The following YES1 variants were observed in gnomAD, a reference collection of about 807,000 sequenced individuals.
YES1 encodes YES proto-oncogene 1, Src family tyrosine kinase.
Under a neutral mutation model 70.4 loss-of-function variants are expected in YES1, and 39 were observed. That is an observed-to-expected ratio of 0.55 (90% confidence interval 0.43 to 0.72). The LOEUF (loss-of-function observed/expected upper bound fraction) is 0.72. Among genes scored for constraint, YES1 ranks in the 30% least tolerant of loss-of-function variants. The probability of loss-of-function intolerance (pLI) is 0.00; values close to 1 mark genes in which losing one functional copy is unlikely to be tolerated. For missense variants in YES1, 495 were observed against 644.8 expected, an observed-to-expected ratio of 0.77 and a Z score of 2.52; for synonymous variants, 198 against 218.6, an observed-to-expected ratio of 0.91 and a Z score of 0.83.
intron 1 of YES1, among the ~76,000 whole-genome samples, chr18:772,834 AT>A (rs1337245848): frequency 4.6e-5 from 7 of 152,166 alleles, no homozygotes; most frequent in South Asian, 4.1e-4. Context: ...CATAATTTTT[AT>A]TCATTTGTGG....
chr18:726,821 A>T (rs1044241869), intron 11 of YES1, among the ~76,000 whole-genome samples: 1 of 143,254 alleles, frequency 7.0e-6, no homozygotes, highest in South Asian at 2.2e-4. Flanking sequence ...AAAAATTCAC[A>T]TGGTAAATAC....
intron 11 of YES1, among the ~76,000 whole-genome samples, chr18:728,116 G>A (rs1018454126): frequency 9.2e-5 from 14 of 152,022 alleles, no homozygotes; most frequent in African/African-American, 3.4e-4. Flanking sequence ...CAGGCAAATC[G>A]CTTGAGCCTA....
intron 1 of YES1, among the ~76,000 whole-genome samples, chr18:795,912 A>AACACACACACACAC (rs72204539): frequency 0.012 from 1,679 of 144,640 alleles, 23 homozygotes; most frequent in African/African-American, 0.033. Context: ...CCAGAACTTA[A>AACACACACACACAC]ACACACACAC....
chr18:806,253 G>A (rs541520675), intron 1 of YES1, among the ~76,000 whole-genome samples: 4 of 151,948 alleles, frequency 2.6e-5, no homozygotes, highest in African/African-American at 7.3e-5. Context: ...ATAGTACAAC[G>A]TATTTATTTA....
intron 4 of YES1, among the ~76,000 whole-genome samples, chr18:747,621 TG>T (rs2080295884): frequency 6.6e-6 from 1 of 152,126 alleles, no homozygotes; most frequent in Admixed American, 6.6e-5. Context: ...GGCAAATTTT[TG>T]AAGTGAGACA....
chr18:756,909 C>A (rs2080414741), intron 1 of YES1, 74 bp from the exon 2 acceptor site: 1 of 1,405,150 alleles, frequency 7.1e-7, no homozygotes, highest in Non-Finnish European at 9.5e-7. Context: ...TTCAAAAAAT[C>A]ATTTTAAGAA....
chr18:765,027 C>T (rs1375552988), intron 1 of YES1, among the ~76,000 whole-genome samples: 2 of 151,822 alleles, frequency 1.3e-5, no homozygotes, highest in Admixed American at 6.6e-5. Context: ...AGCCACCTCG[C>T]CCGGCTTATC....
At chr18:728,698 G>A (rs1023686532) in intron 11 of YES1, among the ~76,000 whole-genome samples, 1 of 152,116 alleles carries the variant, frequency 6.6e-6, no homozygotes, top group Non-Finnish European at 1.5e-5. Context: ...GCTAATTTTT[G>A]TATTTTTAGT....
intron 3 of YES1, 125 bp from the exon 4 acceptor site, chr18:748,143 T>C (rs1297088581): frequency 1.5e-5 from 10 of 687,718 alleles, no homozygotes; most frequent in Non-Finnish European, 4.9e-6. Flanking sequence ...TATGCATTCA[T>C]TGGATGAAGA....
At chr18:761,550 C>T (rs1879498998) in intron 1 of YES1, among the ~76,000 whole-genome samples, 1 of 152,116 alleles carries the variant, frequency 6.6e-6, no homozygotes, top group South Asian at 2.1e-4. Context: ...ACCTCCTTTA[C>T]CCATAACCAT....
At chr18:811,977 T>C (rs1907412657) in intron 1 of YES1, 137 bp downstream of exon 1, 1 of 167,530 alleles carries the variant, frequency 6.0e-6, no homozygotes, top group Non-Finnish European at 1.2e-5. Flanking sequence ...GAGAAGTTTC[T>C]TCCCAACTTC....
At chr18:749,497 T>A (rs1014836468) in intron 3 of YES1, among the ~76,000 whole-genome samples, 14 of 147,040 alleles carry the variant, frequency 9.5e-5, no homozygotes, top group Middle Eastern at 3.6e-3. Flanking sequence ...AAACTCCATC[T>A]CAAAAAAACA....
chr18:803,960 T>C (rs766144960), intron 1 of YES1, among the ~76,000 whole-genome samples: 2 of 152,242 alleles, frequency 1.3e-5, no homozygotes, highest in Non-Finnish European at 1.5e-5. Flanking sequence ...AAAGACTTCC[T>C]GGAAAAACAG....
chr18:807,676 C>A (rs557164071), intron 1 of YES1, among the ~76,000 whole-genome samples: 2 of 152,130 alleles, frequency 1.3e-5, no homozygotes, highest in Non-Finnish European at 2.9e-5. Context: ...TCTTCTCAAA[C>A]GCCAGGGATA....
chr18:783,534 A>G (rs760278526), intron 1 of YES1, among the ~76,000 whole-genome samples: 1 of 152,172 alleles, frequency 6.6e-6, no homozygotes, highest in Non-Finnish European at 1.5e-5. Context: ...AAAAGTGAGA[A>G]GTCTGTAAGC....
At chr18:765,732 G>C (rs918118804) in intron 1 of YES1, among the ~76,000 whole-genome samples, 1 of 152,048 alleles carries the variant, frequency 6.6e-6, no homozygotes, top group African/African-American at 2.4e-5. Context: ...TAAAATAAGT[G>C]GGAATAAACA....
chr18:811,086 C>T (rs545992785), intron 1 of YES1, among the ~76,000 whole-genome samples: 1 of 152,226 alleles, frequency 6.6e-6, no homozygotes, highest in East Asian at 1.9e-4. Flanking sequence ...TTAAAATTAT[C>T]AAGGTATCTT....
chr18:794,235 A>G (rs978823818), intron 1 of YES1, among the ~76,000 whole-genome samples: 5 of 152,192 alleles, frequency 3.3e-5, no homozygotes, highest in African/African-American at 1.2e-4. Context: ...GAAGAACATA[A>G]TAGCCTTTAA....
chr18:763,291 ATG>A (rs1904687620), intron 1 of YES1, among the ~76,000 whole-genome samples: 2 of 152,326 alleles, frequency 1.3e-5, no homozygotes, highest in South Asian at 2.1e-4. Context: ...AGCAGAAGAT[ATG>A]TGTTTTATAA....
Sources: allele counts gnomAD v4.1 joint callset (sites outside exome capture counted in the v4.1 genomes callset), GRCh38; gene constraint gnomAD v4.1.1; transcripts MANE v1.5; gene names NCBI Gene and HGNC (gene_info 2026-07-23, HGNC 2026-07-21).